The following TACC1 variants were observed in gnomAD, a reference collection of about 807,000 sequenced individuals.
TACC1 encodes transforming acidic coiled-coil containing protein 1.
Under a neutral mutation model 84.4 loss-of-function variants are expected in TACC1, and 48 were observed. That is an observed-to-expected ratio of 0.57 (90% CI 0.45 to 0.72). The LOEUF (loss-of-function observed/expected upper bound fraction) is 0.72, where lower values mean the gene tolerates loss of function less well. Ranked by LOEUF, TACC1 falls within the 30% of genes least tolerant of loss-of-function variation. The pLI is 0.00. For missense variants in TACC1, 920 were observed against 973.0 expected (o/e 0.95, Z 0.72); for synonymous variants, 372 against 376.3 (o/e 0.99, Z 0.13).
chr8:38,784,403 T>TA (rs1816715058), upstream of TACC1, among the ~76,000 whole-genome samples: 2 of 151,756 alleles, frequency 1.3e-5, no homozygotes, highest in Admixed American at 6.6e-5. Flanking sequence ...CCGTCTCTAC[T>TA]AAAAAATAAA....
chr8:38,824,052 C>A (rs777102670), intron 3 of TACC1: 11 of 1,350,956 alleles, frequency 8.1e-6, no homozygotes, highest in South Asian at 1.1e-5. Context: ...TTTCTTTAGT[C>A]CCTGGGACCG....
In TACC1 at chr8:38,819,952, C is replaced by A. The variant is rs1310484854; in HGVS notation, c.708C>A (p.Val236=). Residue 236 remains valine, a synonymous_variant, in exon 3 of 13, where the codon GTC becomes GTA. Coordinates refer to ENST00000317827, the MANE Select transcript of TACC1 (RefSeq NM_006283.3). ...GCAAGCTGAGAAAGCCCAAGCCTGTCCCCCTGAGGAAGAAAGCAATTGGAG... is the reference window on the plus strand; with the variant it reads ...GCAAGCTGAGAAAGCCCAAGCCTGTACCCCTGAGGAAGAAAGCAATTGGAG... The part of the protein sequence containing the change: ...RRSKLRKPKP[V]PLRKKAIGGE... 23 of 1,614,030 alleles carry A rather than the reference C, an allele frequency of 1.4e-5. No homozygotes were observed. The highest frequency in any genetic ancestry group is 1.9e-5 in the Non-Finnish European group (23 of 1,180,048).
chr8:38,772,388 A>AATTT (rs1440149874), intron 3 of TACC1, among the ~76,000 whole-genome samples: 1 of 152,254 alleles, frequency 6.6e-6, no homozygotes, highest in Non-Finnish European at 1.5e-5. Flanking sequence ...TGTGAAAAGA[A>AATTT]ATTTAAGTGT....
intron 2 of TACC1, among the ~76,000 whole-genome samples, chr8:38,800,876 C>T (rs4733950): frequency 6.6e-6 from 1 of 152,084 alleles, no homozygotes; most frequent in Non-Finnish European, 1.5e-5. Context: ...AGTATTTGAG[C>T]GTTTCAATTT....
intron 2 of TACC1, among the ~76,000 whole-genome samples, chr8:38,817,826 A>G (rs113832379): frequency 6.9e-6 from 1 of 145,200 alleles, no homozygotes; most frequent in East Asian, 2.2e-4. Context: ...GGCAGCTGAG[A>G]TGGGAGAATT....
chr8:38,795,977 A>G (rs1484642248), intron 2 of TACC1, among the ~76,000 whole-genome samples: 1 of 152,240 alleles, frequency 6.6e-6, no homozygotes, highest in Non-Finnish European at 1.5e-5. Flanking sequence ...ATACTCTCCT[A>G]GCCAGTCGAG....
At chr8:38,751,538 G>A (rs1809038560) in intron 3 of TACC1, among the ~76,000 whole-genome samples, 1 of 152,116 alleles carries the variant, frequency 6.6e-6, no homozygotes. Flanking sequence ...CAAATTGAAA[G>A]TTTTTGGCAA....
At chr8:38,832,220 A>G (rs976357108) in intron 6 of TACC1, among the ~76,000 whole-genome samples, 4 of 152,254 alleles carry the variant, frequency 2.6e-5, no homozygotes, top group East Asian at 1.9e-4. Context: ...TGAAATGACA[A>G]CGTGAAAGAT....
At position 38,823,387 on chromosome 8, in the gene TACC1, C is replaced by T. The variant is rs118023825; in HGVS notation, c.1392-1921C>T. 2.6e-5 allele frequency among the ~76,000 whole-genome samples: 4 copies of T among 152,320 alleles called. No individual in the cohort carries two copies. The East Asian group carries it at 7.7e-4, about 29-fold the overall frequency. On this transcript the variant is annotated intron_variant, in intron 3 of 12. Transcript: ENST00000317827. ...CTTAGGGTATGTACTGGGCACGTCA[C>T]TGCCTAGGTACTTCCTCCCCTAAAT...
rs1310387124 is a variant in TACC1 at position 38,764,927 on chromosome 8, T to C, written c.26+19434T>C. Among the ~76,000 whole-genome samples the C allele has an allele frequency of 9.9e-5, 15 of 152,252 alleles. No individual in the cohort carries two copies. In the East Asian group the frequency reaches 2.7e-3, roughly 27 times the overall value. ...CAGCCTGGCCGACGTTGCGAAACCC[T>C]GTCTGTACTAAAAATACAAAAATTA... On this transcript the variant is annotated intron_variant, in intron 3 of 14. Transcript: ENST00000518415.
chr8:38,813,867 A>T (rs1293674755), intron 2 of TACC1, among the ~76,000 whole-genome samples: 2 of 152,164 alleles, frequency 1.3e-5, no homozygotes, highest in Non-Finnish European at 1.5e-5. Context: ...ATCCACTCAC[A>T]CTAGCTCAAA....
At chr8:38,745,135 G>T (rs1484044123) in exon 3 of TACC1, 2 of 222,552 alleles carry the variant, frequency 9.0e-6, no homozygotes, top group East Asian at 1.8e-4. Flanking sequence ...AAAAGCAAGA[G>T]TCAAAGAAGG....
At chr8:38,766,639 A>G (rs1216559316) in intron 3 of TACC1, among the ~76,000 whole-genome samples, 1 of 152,246 alleles carries the variant, frequency 6.6e-6, no homozygotes, top group Non-Finnish European at 1.5e-5. Flanking sequence ...GAAAATACAC[A>G]TATACACAAT....
chr8:38,784,907 C>T (rs898619345), upstream of TACC1, among the ~76,000 whole-genome samples: 1 of 152,198 alleles, frequency 6.6e-6, no homozygotes, highest in Non-Finnish European at 1.5e-5. Flanking sequence ...AATGGCCTTA[C>T]ATCCTGGTCT....
chr8:38,769,452 CTG>C (rs1228489512), intron 3 of TACC1, among the ~76,000 whole-genome samples: 2 of 105,046 alleles, frequency 1.9e-5, no homozygotes, highest in African/African-American at 3.8e-5. Flanking sequence ...GTGTATGTGA[CTG>C]TGTGTGGTGT....
chr8:38,831,326 G>C, intron 6 of TACC1, 149 bp downstream of exon 6: 1 of 788,372 alleles, frequency 1.3e-6, no homozygotes, highest in Non-Finnish European at 2.1e-6. Context: ...GGAACACATA[G>C]TCTCTGCATT....
At position 38,831,159 on chromosome 8, in the gene TACC1, A is replaced by C. The variant is rs1422522394; in HGVS notation, c.1695A>C (p.Glu565Asp). 2 of 1,614,130 alleles carry C rather than the reference A, an allele frequency of 1.2e-6. No individual in the cohort carries two copies. The highest frequency in any genetic ancestry group is 8.5e-7 in the Non-Finnish European group (1 of 1,180,044). The change falls in exon 6 of 13, where the codon GAA becomes GAC. Residue 565 changes from glutamate to aspartate, a missense_variant. Glu to Asp is a conservative substitution (Grantham distance 45, BLOSUM62 2). This residue lies in a region of TACC1 where 762 missense variants were observed against 747.3 expected (regional missense o/e 1.02). Coordinates refer to ENST00000317827, the MANE Select transcript of TACC1 (RefSeq NM_006283.3). ...IEKETCQKME[E>D]DGSTVLGLLE... ...AGGAGACGTGCCAGAAGATGGAAGA[A>C]GACGGGTCCACTGTGCTTGTAAGTT... is the stretch of plus-strand genomic sequence containing the variant.
intron 3 of TACC1, among the ~76,000 whole-genome samples, chr8:38,763,648 T>C (rs1339310620): frequency 1.3e-5 from 2 of 152,250 alleles, no homozygotes; most frequent in Admixed American, 1.3e-4. Flanking sequence ...TAGTCTCTTT[T>C]TGTCCACCAA....
At chr8:38,833,430 A>G (rs1277025274) in intron 6 of TACC1, among the ~76,000 whole-genome samples, 1 of 152,250 alleles carries the variant, frequency 6.6e-6, no homozygotes, top group Non-Finnish European at 1.5e-5. Context: ...TAAAGTAGGC[A>G]AGGGCATACA....
Sources: gnomAD v4.1 joint callset for allele counts (sites outside exome capture counted in the v4.1 genomes callset) on GRCh38, gnomAD v4.1.1 for gene constraint, gnomAD v4.1.1 regional missense constraint, MANE v1.5 for transcripts, NCBI Gene and HGNC (gene_info 2026-07-23, HGNC 2026-07-21) for gene names.